NELL2: variants seen among roughly 807,000 people sequenced by gnomAD.
The protein encoded by NELL2 is neural EGFL like 2.
A neutral mutation model predicts 109.6 loss-of-function variants in NELL2; 41 were observed. The observed-to-expected ratio is 0.37, with a 90% CI of 0.29 to 0.49. The LOEUF is 0.49. NELL2 is among the 20% of genes least tolerant of loss of function. The probability of loss-of-function intolerance (pLI) is 0.98; values close to 1 mark genes in which losing one functional copy is unlikely to be tolerated. For missense variants in NELL2, 900 were observed against 1,008.3 expected (o/e 0.89, Z 1.45); for synonymous variants, 355 against 344.7 (o/e 1.03, Z -0.33).
chr12:44,589,384 TTTTATTTATTTA>T (rs35746362), intron 15 of NELL2, among the ~76,000 whole-genome samples: 1 of 149,774 alleles, frequency 6.7e-6, no homozygotes, highest in African/African-American at 2.5e-5. Context: ...GAGACACTAC[TTTTATTTATTTA>T]TTTATTTATT....
At chr12:44,903,312 A>G (rs571429305) in intron 1 of NELL2, among the ~76,000 whole-genome samples, 1 of 152,244 alleles carries the variant, frequency 6.6e-6, no homozygotes, top group Non-Finnish European at 1.5e-5. Flanking sequence ...TGGTCATTAG[A>G]GAAATGCAAA....
intron 12 of NELL2, among the ~76,000 whole-genome samples, chr12:44,696,958 G>A (rs537936729): frequency 6.6e-6 from 1 of 152,204 alleles, no homozygotes; most frequent in Non-Finnish European, 1.5e-5. Flanking sequence ...AAATAACACA[G>A]TATATAATAA....
chr12:44,740,487 A>C (rs1056648126), intron 9 of NELL2, among the ~76,000 whole-genome samples: 2 of 152,180 alleles, frequency 1.3e-5, no homozygotes. Flanking sequence ...GTTTGCATCA[A>C]AGTTTGCTGT....
rs114414739 is a variant in NELL2 at position 44,575,933 on chromosome 12, C to T, written c.1663+31236G>A. Among the ~76,000 whole-genome samples, 701 of 152,258 alleles carry T rather than the reference C, an allele frequency of 4.6e-3. 6 individuals carry two copies. The highest frequency in any genetic ancestry group is 0.016 in the African/African-American group (659 of 41,554). ...AGGGTGAAGACCAAAATGTTAATGACCTACAAGCCATCATAGTTTGACCCC... is the reference window on the plus strand; with the variant it reads ...AGGGTGAAGACCAAAATGTTAATGATCTACAAGCCATCATAGTTTGACCCC... On this transcript the variant is annotated intron_variant, in intron 15 of 19. Transcript: ENST00000429094.
chr12:44,799,254 G>A (rs919743426), intron 3 of NELL2, among the ~76,000 whole-genome samples: 9 of 151,964 alleles, frequency 5.9e-5, no homozygotes, highest in Non-Finnish European at 1.2e-4. Flanking sequence ...CACCGTGCCC[G>A]GCCCGATTTC....
intron 12 of NELL2, among the ~76,000 whole-genome samples, chr12:44,702,096 T>A (rs1674518085): frequency 6.6e-6 from 1 of 152,104 alleles, no homozygotes; most frequent in Admixed American, 6.6e-5. Context: ...TCTCTTATCA[T>A]CAAGTCTCAG....
chr12:44,611,022 A>G (rs1945602332), intron 13 of NELL2, 52 bp from the exon 14 acceptor site: 13 of 1,572,822 alleles, frequency 8.3e-6, no homozygotes, highest in Non-Finnish European at 1.1e-5. Context: ...CCAAAGCTAT[A>G]TTTTAAACTA....
intron 13 of NELL2, among the ~76,000 whole-genome samples, chr12:44,656,431 A>C (rs367884313): frequency 6.6e-5 from 10 of 152,184 alleles, no homozygotes; most frequent in Admixed American, 4.6e-4. Flanking sequence ...AACTCAGTTT[A>C]AAATTAACCA....
chr12:44,802,547 C>CCATA (rs1174897286), intron 3 of NELL2, among the ~76,000 whole-genome samples: 1 of 151,974 alleles, frequency 6.6e-6, no homozygotes, highest in African/African-American at 2.4e-5. Context: ...AAAAGCCAGG[C>CCATA]AAATCATCTT....
At chr12:44,579,990 T>C (rs565663565) in intron 15 of NELL2, among the ~76,000 whole-genome samples, 2 of 152,312 alleles carry the variant, frequency 1.3e-5, no homozygotes, top group East Asian at 3.9e-4. Context: ...TTATGGGTTT[T>C]TATATACATT....
At position 44,711,473 on chromosome 12, in the gene NELL2, A is replaced by AAG. The variant is rs534323806; in HGVS notation, c.1087-81_1087-80dup. 3 of 1,253,266 alleles carry AAG rather than the reference A, an allele frequency of 2.4e-6. No homozygotes were observed. In the South Asian group the frequency reaches 3.7e-5, roughly 16 times the overall value. The allele number at this position is 1,253,266 out of a possible 1,614,324, so 77.6% of individuals were successfully genotyped here. On this transcript the variant is annotated intron_variant, in intron 10 of 19. Coordinates refer to ENST00000429094, the MANE Select transcript of NELL2 (RefSeq NM_001145108.2). The stretch of plus-strand genomic sequence containing the variant: ...GAAGTTTCCAGATCCAGCATCTGAG[A>AAG]AGACTCTTTTAAGATCAAGAAATTT...
At position 44,541,238 on chromosome 12, in the gene NELL2, G is replaced by A. The variant is rs201153063; in HGVS notation, c.1664-8517C>T. Among the ~76,000 whole-genome samples the A allele has an allele frequency of 1.8e-4, 20 of 108,656 alleles. No homozygotes were observed. In the East Asian group the frequency reaches 5.1e-3, roughly 28 times the overall value. The allele number at this position is 108,656 out of a possible 152,430, so 71.3% of individuals were successfully genotyped here. ...TGCACTCCAGCCTGGGAGACAAAGT[G>A]AGACTCCATCTCAAAAAAAAAAAAA... On this transcript the variant is annotated intron_variant, in intron 15 of 19. Transcript: ENST00000429094.
At chr12:44,768,655 G>A (rs775220365) in intron 9 of NELL2, among the ~76,000 whole-genome samples, 22 of 152,112 alleles carry the variant, frequency 1.4e-4, no homozygotes, top group Non-Finnish European at 2.5e-4. Flanking sequence ...TTTTTGCTGT[G>A]TCATAAAATT....
chr12:44,919,953 A>G (rs1945856656), intron 1 of NELL2, among the ~76,000 whole-genome samples: 1 of 152,230 alleles, frequency 6.6e-6, no homozygotes, highest in African/African-American at 2.4e-5. Flanking sequence ...CCATGCATTC[A>G]TAAGCCGAAG....
intron 1 of NELL2, among the ~76,000 whole-genome samples, chr12:44,903,732 T>C (rs1024577540): frequency 1.6e-4 from 25 of 152,110 alleles, no homozygotes; most frequent in East Asian, 1.9e-4. Context: ...GTTCATGTCC[T>C]TTGCAGGGAC....
chr12:44,888,361 C>T (rs1408124929), intron 1 of NELL2, among the ~76,000 whole-genome samples: 1 of 143,860 alleles, frequency 7.0e-6, no homozygotes, highest in Non-Finnish European at 1.5e-5. Flanking sequence ...TTATCTAATT[C>T]TGTGATGAAT....
intron 2 of NELL2, among the ~76,000 whole-genome samples, chr12:44,862,953 C>T (rs1333712387): frequency 1.3e-5 from 2 of 152,174 alleles, no homozygotes; most frequent in Non-Finnish European, 2.9e-5. Context: ...TATACACACA[C>T]ATACATATAC....
intron 10 of NELL2, among the ~76,000 whole-genome samples, chr12:44,711,695 G>A (rs1386170560): frequency 6.6e-6 from 1 of 151,926 alleles, no homozygotes; most frequent in African/African-American, 2.4e-5. Flanking sequence ...AACACATTTT[G>A]CAAGCCCAGA....
At chr12:44,857,106 G>A (rs1210074534) in intron 2 of NELL2, among the ~76,000 whole-genome samples, 1 of 152,130 alleles carries the variant, frequency 6.6e-6, no homozygotes, top group African/African-American at 2.4e-5. Flanking sequence ...TCCACCAAAG[G>A]AAGAATTTGT....
Sources: allele counts gnomAD v4.1 joint callset (sites outside exome capture counted in the v4.1 genomes callset), GRCh38; gene constraint gnomAD v4.1.1; transcripts MANE v1.5; gene names NCBI Gene and HGNC (gene_info 2026-07-23, HGNC 2026-07-21).